BAG4: variants seen among roughly 807,000 people sequenced by gnomAD.
BAG4 encodes BAG cochaperone 4, also known as BAG family molecular chaperone regulator 4.
A neutral mutation model predicts 52.1 loss-of-function variants in BAG4; 28 were observed. The ratio of observed to expected loss-of-function variants is 0.54; its 90% CI spans 0.40 to 0.74. The LOEUF is 0.74. Among genes scored for constraint, BAG4 ranks in the 30% least tolerant of loss-of-function variants. The pLI is 0.00. For synonymous variants in BAG4, 208 were observed against 217.0 expected (o/e 0.96, Z 0.37); for missense variants, 525 against 572.0 (o/e 0.92, Z 0.84).
intron 1 of BAG4, 141 bp downstream of exon 1, chr8:38,177,280 C>A: frequency 8.5e-7 from 1 of 1,182,094 alleles, no homozygotes; most frequent in Non-Finnish European, 1.2e-6. Flanking sequence ...AGACTAAGAT[C>A]AGAGGTTGGG....
At chr8:38,190,178 C>T (rs1041569718) in intron 1 of BAG4, among the ~76,000 whole-genome samples, 43 of 152,308 alleles carry the variant, frequency 2.8e-4, no homozygotes, top group African/African-American at 1.0e-3. Flanking sequence ...CATATTTTAT[C>T]TTTCCTTGTC....
At chr8:38,183,852 A>G (rs895581997) in intron 1 of BAG4, among the ~76,000 whole-genome samples, 23 of 151,982 alleles carry the variant, frequency 1.5e-4, no homozygotes, top group Admixed American at 1.5e-3. Flanking sequence ...AGCTTCCTTG[A>G]TTTCTGGTAC....
intron 1 of BAG4, among the ~76,000 whole-genome samples, chr8:38,189,783 G>A (rs191215541): frequency 4.9e-4 from 75 of 152,038 alleles, no homozygotes; most frequent in Admixed American, 9.2e-4. Flanking sequence ...ATCCATATTT[G>A]TTTGTTTTGC....
chr8:38,195,758 A>G (rs1404699726), intron 2 of BAG4, among the ~76,000 whole-genome samples: 1 of 152,212 alleles, frequency 6.6e-6, no homozygotes, highest in African/African-American at 2.4e-5. Flanking sequence ...AATGTTACAT[A>G]GTTGTGGTTT....
intron 2 of BAG4, among the ~76,000 whole-genome samples, chr8:38,200,604 CT>C (rs1273079032): frequency 3.9e-4 from 57 of 144,702 alleles, no homozygotes; most frequent in Middle Eastern, 3.6e-3. Flanking sequence ...TTCTTTTTTT[CT>C]TTTTTTTTTT....
intron 2 of BAG4, among the ~76,000 whole-genome samples, chr8:38,193,243 A>T (rs1190820097): frequency 2.0e-5 from 3 of 151,886 alleles, no homozygotes; most frequent in Admixed American, 6.6e-5. Flanking sequence ...ACATGGTGAA[A>T]CTCCATCTCT....
chr8:38,201,678 T>A (rs927409558), intron 2 of BAG4: 3 of 151,640 alleles, frequency 2.0e-5, no homozygotes, highest in Non-Finnish European at 4.4e-5. Flanking sequence ...TTAAGCAGTA[T>A]CATGTCTTTA....
chr8:38,189,241 G>A (rs781475346), intron 1 of BAG4, among the ~76,000 whole-genome samples: 1 of 152,084 alleles, frequency 6.6e-6, no homozygotes, highest in Non-Finnish European at 1.5e-5. Flanking sequence ...CACCATGCCA[G>A]GCCTGAATTA....
At chr8:38,189,476 T>C (rs909366819) in intron 1 of BAG4, among the ~76,000 whole-genome samples, 2 of 152,212 alleles carry the variant, frequency 1.3e-5, no homozygotes, top group Non-Finnish European at 2.9e-5. Flanking sequence ...GATTGTTAGT[T>C]ATTGCATTAA....
chr8:38,198,521 C>CTCTG (rs1283595904), intron 2 of BAG4, among the ~76,000 whole-genome samples: 39 of 135,226 alleles, frequency 2.9e-4, no homozygotes, highest in Middle Eastern at 4.6e-3. Context: ...TGGAGTTTCA[C>CTCTG]TCTGTCGCCC....
chr8:38,195,113 CA>C (rs1382793967), intron 2 of BAG4, among the ~76,000 whole-genome samples: 1 of 151,852 alleles, frequency 6.6e-6, no homozygotes, highest in Non-Finnish European at 1.5e-5. Context: ...CTCGGCCTCC[CA>C]AAGTGCTGGG....
intron 1 of BAG4, among the ~76,000 whole-genome samples, chr8:38,187,629 C>CA (rs1803385363): frequency 6.6e-6 from 1 of 151,504 alleles, no homozygotes; most frequent in Non-Finnish European, 1.5e-5. Flanking sequence ...AATAAAATCA[C>CA]AAAAAAGGGG....
chr8:38,190,830 T>C (rs1210643380), intron 1 of BAG4, among the ~76,000 whole-genome samples: 2 of 151,048 alleles, frequency 1.3e-5, no homozygotes, highest in Non-Finnish European at 2.9e-5. Context: ...TGATCTCTGC[T>C]CACTGCAACT....
At chr8:38,196,969 T>G (rs867496674) in intron 2 of BAG4, among the ~76,000 whole-genome samples, 3 of 151,790 alleles carry the variant, frequency 2.0e-5, no homozygotes, top group African/African-American at 7.3e-5. Flanking sequence ...CCCAGCTACT[T>G]GGGAGGCTGA....
chr8:38,190,356 A>G (rs1803453520), intron 1 of BAG4, among the ~76,000 whole-genome samples: 1 of 152,208 alleles, frequency 6.6e-6, no homozygotes, highest in Non-Finnish European at 1.5e-5. Flanking sequence ...GTACCACTAA[A>G]GATGTCCATT....
At chr8:38,177,291 G>A in intron 1 of BAG4, 152 bp downstream of exon 1, 1 of 1,076,284 alleles carries the variant, frequency 9.3e-7, no homozygotes, top group African/African-American at 1.6e-5. Flanking sequence ...AGAGGTTGGG[G>A]GGACATGCTT....
At chr8:38,188,646 TGTATACATATATACATGTATAC>T (rs1380021208) in intron 1 of BAG4, among the ~76,000 whole-genome samples, 9 of 300 alleles carry the variant, frequency 0.03, no homozygotes, top group East Asian at 0.12. Flanking sequence ...CATATATACA[TGTATACATATATACATGTATAC>T]ATATACATGT....
In BAG4 at chr8:38,210,362, A is replaced by G. The variant is rs1803846110; in HGVS notation, c.1243A>G (p.Met415Val). The change falls in exon 5 of 5, where the codon ATG (methionine) becomes GTG (valine). Residue 415 changes from methionine to valine, a missense_variant. Around this residue, in one of 2 missense-constraint regions of BAG4, gnomAD observed 238 missense variants for 305.8 expected, o/e 0.78. Transcript: ENST00000287322. Reference protein sequence around the residue: ...TDKAYWLLEEMLTKELLELDS... With the variant: ...TDKAYWLLEEVLTKELLELDS... Reference sequence around the variant, plus strand: ...CAAAGCATACTGGCTTCTGGAAGAAATGCTAACCAAGGAACTTTTGGAACT... The same window carrying G: ...CAAAGCATACTGGCTTCTGGAAGAAGTGCTAACCAAGGAACTTTTGGAACT... The G allele has an allele frequency of 6.2e-7, 1 of 1,614,222 alleles. No individual in the cohort carries two copies.
chr8:38,208,878 A>T, intron 3 of BAG4, 135 bp from the exon 4 acceptor site: 1 of 1,094,660 alleles, frequency 9.1e-7, no homozygotes, highest in Non-Finnish European at 1.3e-6. Context: ...AATTAGATTT[A>T]CTACAGTTTA....
Sources: allele counts gnomAD v4.1 joint callset (sites outside exome capture counted in the v4.1 genomes callset), GRCh38; gene constraint gnomAD v4.1.1; regional missense constraint gnomAD v4.1.1; transcripts MANE v1.5; gene names NCBI Gene and HGNC (gene_info 2026-07-23, HGNC 2026-07-21).